Variants in ACER3 observed in about 807,000 individuals in gnomAD.
ACER3 encodes the protein alkaline ceramidase 3.
A neutral mutation model predicts 48.9 loss-of-function variants in ACER3; 16 were observed. The ratio of observed to expected loss-of-function variants is 0.33; its 90% CI spans 0.22 to 0.50. ACER3 has a LOEUF of 0.50. Ranked by LOEUF, ACER3 falls within the 20% of genes least tolerant of loss-of-function variation. The probability of loss-of-function intolerance (pLI) is 0.98; values close to 1 mark genes in which losing one functional copy is unlikely to be tolerated. For missense variants in ACER3, 227 were observed against 326.0 expected (o/e 0.70, Z 2.34); for synonymous variants, 109 against 107.8 (o/e 1.01, Z -0.07).
Position 76,934,001 on chromosome 11 carries a change from T to A in ACER3, c.214+7334T>A, listed in dbSNP as rs557678409. 4.0e-5 allele frequency among the ~76,000 whole-genome samples: 6 copies of A among 151,052 alleles called. No homozygotes were observed. In the East Asian group the frequency reaches 1.2e-3, roughly 30 times the overall value. On this transcript the variant is annotated intron_variant, in intron 2 of 10. Coordinates refer to ENST00000532485, the MANE Select transcript of ACER3 (RefSeq NM_018367.7). ...CGGCTGTGCAGACGTGCTCCTCACA[T>A]CCCAGACGGGGCGGCGGGGCAGAGG...
intron 3 of ACER3, among the ~76,000 whole-genome samples, chr11:76,970,451 A>T (rs1164169584): frequency 6.6e-6 from 1 of 152,214 alleles, no homozygotes; most frequent in African/African-American, 2.4e-5. Flanking sequence ...CATCTTCAGA[A>T]GTATGATAGT....
chr11:76,924,611 A>C (rs1157910314), intron 1 of ACER3, among the ~76,000 whole-genome samples: 1 of 151,956 alleles, frequency 6.6e-6, no homozygotes, highest in East Asian at 1.9e-4. Context: ...GTTGTCTTCT[A>C]GTTTTGGTGG....
chr11:76,870,608 C>T lies in ACER3; in HGVS notation c.103+9529C>T, dbSNP rs547751872. ...TTTTAACCTTTTCATTATAAAGAAA[C>T]CTTTTAAAAAATTTCTTTCATGGGT... On this transcript the variant is annotated intron_variant, in intron 1 of 10. Coordinates refer to ENST00000532485, the MANE Select transcript of ACER3 (RefSeq NM_018367.7). Among the ~76,000 whole-genome samples the T allele has an allele frequency of 4.6e-5, 7 of 152,142 alleles. No homozygotes were observed. The South Asian group carries it at 8.3e-4, about 18-fold the overall frequency.
intron 4 of ACER3, among the ~76,000 whole-genome samples, chr11:76,979,050 A>C (rs1948517517): frequency 6.6e-6 from 1 of 152,218 alleles, no homozygotes; most frequent in African/African-American, 2.4e-5. Flanking sequence ...GGCTGGTAGC[A>C]TGAGCCAAGT....
intron 1 of ACER3, among the ~76,000 whole-genome samples, chr11:76,881,741 T>C (rs563174915): frequency 3.3e-5 from 5 of 152,194 alleles, no homozygotes; most frequent in Non-Finnish European, 5.9e-5. Flanking sequence ...ACATACTGTC[T>C]TTTGTAGCTT....
chr11:76,875,791 A>G (rs1473941682), intron 1 of ACER3, among the ~76,000 whole-genome samples: 1 of 118,414 alleles, frequency 8.4e-6, no homozygotes, highest in Non-Finnish European at 1.6e-5. Context: ...GCTGGAGTGC[A>G]GTGGCATGAT....
chr11:76,983,647 A>G (rs1374713543), intron 4 of ACER3, among the ~76,000 whole-genome samples: 1 of 151,900 alleles, frequency 6.6e-6, no homozygotes, highest in Non-Finnish European at 1.5e-5. Context: ...TTATATTCCA[A>G]TTGTTCATAG....
At chr11:76,883,638 T>C (rs1388756657) in intron 1 of ACER3, among the ~76,000 whole-genome samples, 1 of 151,944 alleles carries the variant, frequency 6.6e-6, no homozygotes, top group African/African-American at 2.4e-5. Context: ...AGAGACGGAG[T>C]TTCGCCATGT....
chr11:76,990,435 T>C (rs1245759351), intron 5 of ACER3, 104 bp from the exon 6 acceptor site: 1 of 830,890 alleles, frequency 1.2e-6, no homozygotes, highest in African/African-American at 1.6e-5. Flanking sequence ...CTGAGTAAGA[T>C]GGGGGAAGCA....
rs187261413 is a variant in ACER3, at chr11:77,024,372, G to A, written c.*4045G>A. The A allele has an allele frequency of 2.4e-4, 37 of 151,912 alleles. 1 individual carries two copies. Among genetic ancestry groups the A allele is most frequent in the African/African-American group, 8.7e-4 (36 of 41,372 alleles). 9.4% of individuals were successfully genotyped at this position (151,912 alleles called of 1,614,324 possible). A position where few individuals can be genotyped will look rare whatever the true frequency, so the allele number is the denominator to read the frequency against. On this transcript the variant is annotated 3_prime_UTR_variant, in exon 11 of 11. Transcript: ENST00000532485. ...ATGGGGGAGCTGCTGGTGTTGTTGA[G>A]GTCCTTGGGAGCATTCCACTGGACT... is the stretch of plus-strand genomic sequence containing the variant.
intron 2 of ACER3, among the ~76,000 whole-genome samples, chr11:76,947,076 T>C (rs1396095753): frequency 6.6e-5 from 10 of 152,182 alleles, no homozygotes; most frequent in Non-Finnish European, 1.5e-4. Context: ...CTATGGCGAA[T>C]CCTAGTGTTC....
intron 7 of ACER3, among the ~76,000 whole-genome samples, chr11:77,010,925 G>T (rs1949250216): frequency 2.6e-5 from 4 of 152,180 alleles, no homozygotes; most frequent in Admixed American, 6.5e-5. Flanking sequence ...TACATTCCAA[G>T]ATCTCAAAAA....
At chr11:76,875,607 G>A (rs1217197410) in intron 1 of ACER3, among the ~76,000 whole-genome samples, 1 of 149,994 alleles carries the variant, frequency 6.7e-6, no homozygotes, top group East Asian at 1.9e-4. Flanking sequence ...GATACATTTC[G>A]AAGTAAACTG....
chr11:76,932,145 T>C (rs1196999337), intron 2 of ACER3, among the ~76,000 whole-genome samples: 1 of 152,060 alleles, frequency 6.6e-6, no homozygotes, highest in Non-Finnish European at 1.5e-5. Context: ...AGACAGGATT[T>C]CGCCATGTTG....
intron 1 of ACER3, among the ~76,000 whole-genome samples, chr11:76,912,151 T>G (rs1319187073): frequency 6.6e-6 from 1 of 152,228 alleles, no homozygotes; most frequent in Non-Finnish European, 1.5e-5. Flanking sequence ...TTAAATCTAC[T>G]GGAATTAGAG....
At chr11:76,925,297 T>C (rs1373924337) in intron 1 of ACER3, among the ~76,000 whole-genome samples, 1 of 152,198 alleles carries the variant, frequency 6.6e-6, no homozygotes, top group South Asian at 2.1e-4. Flanking sequence ...TGTAAATATA[T>C]ATGGTTATTC....
At chr11:76,909,419 T>G (rs1227525761) in intron 1 of ACER3, among the ~76,000 whole-genome samples, 1 of 151,942 alleles carries the variant, frequency 6.6e-6, no homozygotes, top group Non-Finnish European at 1.5e-5. Context: ...CTTAAACAAA[T>G]TTACAAGAAA....
chr11:76,956,723 G>T (rs373128870), intron 2 of ACER3, among the ~76,000 whole-genome samples: 2 of 139,044 alleles, frequency 1.4e-5, no homozygotes, highest in East Asian at 2.0e-4. Flanking sequence ...TTGTTATTGT[G>T]TGACTTTAAA....
intron 9 of ACER3, among the ~76,000 whole-genome samples, chr11:77,017,969 C>T (rs1462130703): frequency 1.0e-4 from 10 of 97,290 alleles, no homozygotes; most frequent in Non-Finnish European, 1.9e-4. Flanking sequence ...TTTTGGGAGA[C>T]AGAGTCTCCC....
Sources: gnomAD v4.1 joint callset for allele counts (sites outside exome capture counted in the v4.1 genomes callset) on GRCh38, gnomAD v4.1.1 for gene constraint, MANE v1.5 for transcripts, NCBI Gene and HGNC (gene_info 2026-07-23, HGNC 2026-07-21) for gene names.